Variants in FSTL5 observed in about 807,000 individuals in gnomAD.
FSTL5 encodes the protein follistatin like 5.
A neutral mutation model predicts 89.1 loss-of-function variants in FSTL5; 62 were observed. The ratio of observed to expected loss-of-function variants is 0.70; its 90% CI spans 0.57 to 0.86. The LOEUF is 0.86. Among genes scored for constraint, FSTL5 ranks in the 40% least tolerant of loss-of-function variants. The probability of loss-of-function intolerance (pLI) is 0.00; values close to 1 mark genes in which losing one functional copy is unlikely to be tolerated. For missense variants in FSTL5, 1,057 were observed against 1,001.6 expected (o/e 1.06, Z -0.75); for synonymous variants, 383 against 346.2 (o/e 1.11, Z -1.18).
chr4:162,082,724 T>C (rs1338858854), intron 2 of FSTL5, among the ~76,000 whole-genome samples: 1 of 151,660 alleles, frequency 6.6e-6, no homozygotes, highest in Non-Finnish European at 1.5e-5. Context: ...CAGGTCACAG[T>C]ATATTAAATA....
chr4:161,818,226 G>C (rs2126847035), intron 4 of FSTL5, among the ~76,000 whole-genome samples: 1 of 152,290 alleles, frequency 6.6e-6, no homozygotes, highest in South Asian at 2.1e-4. Context: ...GGCTGGAACA[G>C]TCAGAGGAGA....
chr4:161,883,788 C>A (rs1264112816), intron 4 of FSTL5, among the ~76,000 whole-genome samples: 1 of 152,148 alleles, frequency 6.6e-6, no homozygotes, highest in Non-Finnish European at 1.5e-5. Flanking sequence ...TCCCTTAATT[C>A]ATCTAATGAT....
intron 10 of FSTL5, among the ~76,000 whole-genome samples, chr4:161,526,762 T>G (rs1373847072): frequency 6.6e-6 from 1 of 152,194 alleles, no homozygotes; most frequent in South Asian, 2.1e-4. Flanking sequence ...GTTGTAGATA[T>G]GCGGTGTTAT....
chr4:161,664,529 C>G (rs572661375), intron 6 of FSTL5, among the ~76,000 whole-genome samples: 2 of 152,140 alleles, frequency 1.3e-5, no homozygotes, highest in African/African-American at 4.8e-5. Flanking sequence ...CTGAGACCAC[C>G]TCAGCCTGGA....
intron 2 of FSTL5, among the ~76,000 whole-genome samples, chr4:162,082,686 T>C (rs1730148007): frequency 6.6e-6 from 1 of 151,642 alleles, no homozygotes; most frequent in Non-Finnish European, 1.5e-5. Context: ...AACCTCTAAA[T>C]ATCAACACAT....
At chr4:161,606,966 T>C (rs1385479685) in intron 7 of FSTL5, among the ~76,000 whole-genome samples, 2 of 152,152 alleles carry the variant, frequency 1.3e-5, no homozygotes, top group African/African-American at 4.8e-5. Context: ...AAAGAAGTAA[T>C]ACTAGTTATT....
intron 4 of FSTL5, among the ~76,000 whole-genome samples, chr4:161,776,531 G>A (rs376655512): frequency 9.9e-6 from 1 of 100,666 alleles, no homozygotes; most frequent in Non-Finnish European, 1.7e-5. Flanking sequence ...ATATATGTAC[G>A]TATATGCATA....
chr4:161,741,733 G>C lies in FSTL5; in HGVS notation c.727+17678C>G, dbSNP rs144896175. The stretch of plus-strand genomic sequence containing the variant: ...GGTGGAGTCTCACTCTGTCGCCCAG[G>C]CTGGAACGCAGTGGCACGGTCTTGG... On this transcript the variant is annotated intron_variant, in intron 6 of 15. Coordinates refer to ENST00000306100, the MANE Select transcript of FSTL5 (RefSeq NM_020116.5). Among the ~76,000 whole-genome samples, 1,438 of 148,518 alleles carry C rather than the reference G, an allele frequency of 9.7e-3. 30 individuals carry two copies. The highest frequency in any genetic ancestry group is 0.07 in the South Asian group (327 of 4,674).
chr4:161,509,401 GA>G (rs548692914), intron 11 of FSTL5, among the ~76,000 whole-genome samples: 277 of 152,228 alleles, frequency 1.8e-3, no homozygotes, highest in African/African-American at 6.5e-3. Flanking sequence ...ATTTGAAGTG[GA>G]ATAAAAATAG....
chr4:161,845,820 A>C lies in FSTL5; in HGVS notation c.410-69746T>G, dbSNP rs940799865. Among the ~76,000 whole-genome samples the C allele has an allele frequency of 1.3e-3, 204 of 152,080 alleles. 2 individuals carry two copies. The highest frequency in any genetic ancestry group is 2.4e-4 in the Non-Finnish European group (16 of 67,958). On this transcript the variant is annotated intron_variant, in intron 4 of 15. Transcript: ENST00000306100. ...CAGCACTTTGGGAGGCCAAGGTGGG[A>C]GGGTCCCTAGAGGTCAGGAGTTCGA...
At chr4:161,613,209 T>G (rs1002525512) in intron 7 of FSTL5, among the ~76,000 whole-genome samples, 1 of 151,986 alleles carries the variant, frequency 6.6e-6, no homozygotes, top group African/African-American at 2.4e-5. Context: ...TCCCAGCAAT[T>G]TGGGAGGATG....
intron 2 of FSTL5, among the ~76,000 whole-genome samples, chr4:162,102,623 T>G (rs1036105239): frequency 6.8e-6 from 1 of 146,050 alleles, no homozygotes; most frequent in Admixed American, 6.9e-5. Context: ...ATATAAAATA[T>G]TTATAACATA....
intron 13 of FSTL5, among the ~76,000 whole-genome samples, chr4:161,469,443 T>C (rs1264299623): frequency 6.6e-6 from 1 of 152,098 alleles, no homozygotes; most frequent in Non-Finnish European, 1.5e-5. Flanking sequence ...GGTTTCAATC[T>C]CTCCAACCCC....
intron 1 of FSTL5, among the ~76,000 whole-genome samples, chr4:162,162,360 A>T (rs1218225007): frequency 6.6e-6 from 1 of 152,178 alleles, no homozygotes; most frequent in Non-Finnish European, 1.5e-5. Flanking sequence ...ATTAAGTACG[A>T]AACAGCTTTA....
chr4:161,911,837 G>A (rs535046073), intron 4 of FSTL5, among the ~76,000 whole-genome samples: 40 of 151,942 alleles, frequency 2.6e-4, no homozygotes, highest in Non-Finnish European at 4.9e-4. Context: ...TGCTTTTTTC[G>A]TCATTCTGGA....
At chr4:161,721,000 C>G (rs1223700536) in intron 6 of FSTL5, among the ~76,000 whole-genome samples, 1 of 152,080 alleles carries the variant, frequency 6.6e-6, no homozygotes, top group Non-Finnish European at 1.5e-5. Context: ...TTTTTCTGGC[C>G]GGGCGCGGTG....
intron 7 of FSTL5, among the ~76,000 whole-genome samples, chr4:161,632,927 G>A (rs558173187): frequency 3.5e-4 from 54 of 152,164 alleles, no homozygotes; most frequent in African/African-American, 1.2e-3. Flanking sequence ...TATCTACCTC[G>A]TTTTATTCTA....
At chr4:161,704,115 C>G (rs997893531) in intron 6 of FSTL5, among the ~76,000 whole-genome samples, 3 of 152,120 alleles carry the variant, frequency 2.0e-5, no homozygotes, top group African/African-American at 7.2e-5. Flanking sequence ...AAAGTCACCC[C>G]TCTGCTCACT....
intron 15 of FSTL5, among the ~76,000 whole-genome samples, chr4:161,411,404 A>G (rs1291803868): frequency 6.6e-6 from 1 of 152,180 alleles, no homozygotes; most frequent in Non-Finnish European, 1.5e-5. Context: ...CTTAAGACCA[A>G]TATCCCTGAT....
Sources: allele counts gnomAD v4.1 joint callset (sites outside exome capture counted in the v4.1 genomes callset), GRCh38; gene constraint gnomAD v4.1.1; transcripts MANE v1.5; gene names NCBI Gene and HGNC (gene_info 2026-07-23, HGNC 2026-07-21).